Variants in RAI14 observed in about 807,000 individuals in gnomAD.
RAI14 encodes the protein ankycorbin.
RAI14 carries 45 observed loss-of-function variants against 115.4 expected under a neutral mutation model. That is an observed-to-expected ratio of 0.39 (90% CI 0.31 to 0.50). The LOEUF (loss-of-function observed/expected upper bound fraction) is 0.50. Among genes scored for constraint, RAI14 ranks in the 20% least tolerant of loss-of-function variants. The pLI, the probability that RAI14 is intolerant of heterozygous loss-of-function variation, is 0.85. For missense variants in RAI14, 939 were observed against 1,131.2 expected (o/e 0.83, Z 2.44); for synonymous variants, 371 against 415.4 (o/e 0.89, Z 1.30).
rs79705179 is a variant in RAI14, at chr5:34,741,300, T to C, written c.37-16168T>C. ...TTTTACAATGGAGAAAACAGAGGCATGCGAGGTTAAGTAACTTCTCCAGGG... is the reference window on the plus strand; with the variant it reads ...TTTTACAATGGAGAAAACAGAGGCACGCGAGGTTAAGTAACTTCTCCAGGG... On this transcript the variant is annotated intron_variant, in intron 2 of 17. Transcript: ENST00000265109. Among the ~76,000 whole-genome samples the C allele has an allele frequency of 8.5e-5, 13 of 152,350 alleles. No homozygotes were observed. In the East Asian group the frequency reaches 2.3e-3, roughly 27 times the overall value.
intron 2 of RAI14, among the ~76,000 whole-genome samples, chr5:34,696,185 C>G (rs1373739171): frequency 6.6e-6 from 1 of 152,078 alleles, no homozygotes. Context: ...GTCACCCAGG[C>G]TGGAGTGCAG....
chr5:34,672,175 T>G (rs1743662535), intron 1 of RAI14, among the ~76,000 whole-genome samples: 1 of 152,184 alleles, frequency 6.6e-6, no homozygotes, highest in African/African-American at 2.4e-5. Flanking sequence ...AAAAAAAAAC[T>G]GAATGATTTT....
At chr5:34,670,067 C>T (rs1039341752) in intron 1 of RAI14, among the ~76,000 whole-genome samples, 7 of 152,140 alleles carry the variant, frequency 4.6e-5, no homozygotes, top group African/African-American at 7.2e-5. Context: ...GGCAGGGGTG[C>T]GTGAGGACAC....
intron 3 of RAI14, among the ~76,000 whole-genome samples, chr5:34,769,738 T>A (rs1749901464): frequency 6.6e-6 from 1 of 152,166 alleles, no homozygotes; most frequent in South Asian, 2.1e-4. Context: ...AGTTTGTATA[T>A]ATTTTTTAAG....
rs1037431406 is a variant in RAI14 at position 34,743,877 on chromosome 5, A to T, written c.37-13591A>T. ...TAACTTGAAGGACTGTTTCCATGGC[A>T]TGTGAATTTCTTTAGCTATCTCTTT... is the stretch of plus-strand genomic sequence containing the variant. On this transcript the variant is annotated intron_variant, in intron 2 of 17. Coordinates refer to ENST00000265109, the MANE Select transcript of RAI14 (RefSeq NM_015577.3). 1.5e-4 allele frequency among the ~76,000 whole-genome samples: 23 copies of T among 152,228 alleles called. 1 individual carries two copies. The highest frequency in any genetic ancestry group is 1.4e-3 in the Admixed American group (22 of 15,284).
At chr5:34,829,587 C>T (rs1757816569) in intron 16 of RAI14, 145 bp from the exon 17 acceptor site, 1 of 578,860 alleles carries the variant, frequency 1.7e-6, no homozygotes. Flanking sequence ...AGTAAGGCCA[C>T]AACAATTTTA....
intron 16 of RAI14, among the ~76,000 whole-genome samples, chr5:34,828,590 G>T (rs1757690572): frequency 1.3e-5 from 2 of 152,098 alleles, no homozygotes; most frequent in Admixed American, 1.3e-4. Flanking sequence ...GACACTGATG[G>T]GGGGAAGGAA....
chr5:34,738,376 A>G (rs1237314339), intron 2 of RAI14, among the ~76,000 whole-genome samples: 3 of 152,252 alleles, frequency 2.0e-5, no homozygotes, highest in Non-Finnish European at 2.9e-5. Context: ...CTAATTCAGA[A>G]TTCTGTCACC....
chr5:34,711,737 C>T (rs528423313), intron 2 of RAI14, among the ~76,000 whole-genome samples: 9 of 152,324 alleles, frequency 5.9e-5, no homozygotes, highest in South Asian at 2.1e-4. Flanking sequence ...CCGACTCTGA[C>T]GTGATCTTGG....
At chr5:34,822,746 C>T (rs993289412) in intron 14 of RAI14, among the ~76,000 whole-genome samples, 2 of 131,774 alleles carry the variant, frequency 1.5e-5, no homozygotes, top group African/African-American at 2.8e-5. Context: ...TGCAGTGGCG[C>T]GATCTCGGCT....
intron 2 of RAI14, chr5:34,687,853 T>C: frequency 8.4e-7 from 1 of 1,196,948 alleles, no homozygotes; most frequent in South Asian, 1.4e-5. Flanking sequence ...TTGCAATAAA[T>C]GGAGGCTGTG....
intron 1 of RAI14, among the ~76,000 whole-genome samples, chr5:34,671,022 G>T (rs1353883474): frequency 6.6e-6 from 1 of 151,528 alleles, no homozygotes; most frequent in African/African-American, 2.4e-5. Flanking sequence ...TTGTTTTTTT[G>T]GTTTTCAGCC....
intron 1 of RAI14, among the ~76,000 whole-genome samples, chr5:34,660,679 T>G (rs913196709): frequency 1.3e-5 from 2 of 152,150 alleles, no homozygotes; most frequent in African/African-American, 4.8e-5. Flanking sequence ...GCTGTGTTAG[T>G]GACGCATTTT....
chr5:34,753,242 C>A (rs1396767696), intron 2 of RAI14, among the ~76,000 whole-genome samples: 1 of 152,044 alleles, frequency 6.6e-6, no homozygotes, highest in Non-Finnish European at 1.5e-5. Context: ...TTCTTTGATT[C>A]TAGAGTATGA....
At chr5:34,803,805 A>C in intron 5 of RAI14, 29 bp downstream of exon 5, 1 of 1,583,978 alleles carries the variant, frequency 6.3e-7, no homozygotes, top group Non-Finnish European at 8.6e-7. Context: ...AGAATTATAA[A>C]TGTGTCGGTT....
chr5:34,750,678 C>T (rs948270656), intron 2 of RAI14, among the ~76,000 whole-genome samples: 1 of 151,866 alleles, frequency 6.6e-6, no homozygotes, highest in Admixed American at 6.6e-5. Flanking sequence ...AAACCATGTA[C>T]GTTCTAACAA....
At chr5:34,704,642 T>A (rs17520495) in intron 2 of RAI14, among the ~76,000 whole-genome samples, 27,479 of 152,194 alleles carry the variant, frequency 0.18, 2,656 homozygotes, top group Non-Finnish European at 0.22. Context: ...CCAGATACTC[T>A]CTAATTCTGT....
chr5:34,777,558 T>C (rs899497000), intron 3 of RAI14, among the ~76,000 whole-genome samples: 1 of 152,054 alleles, frequency 6.6e-6, no homozygotes, highest in Non-Finnish European at 1.5e-5. Context: ...GGCAGGTGGA[T>C]CTTCTGAGGT....
At chr5:34,808,335 A>C (rs540246329) in intron 6 of RAI14, among the ~76,000 whole-genome samples, 6 of 152,256 alleles carry the variant, frequency 3.9e-5, no homozygotes, top group Non-Finnish European at 7.3e-5. Context: ...GTCCTGTGAA[A>C]ACCTGAGCCA....
Sources: gnomAD v4.1 joint callset for allele counts (sites outside exome capture counted in the v4.1 genomes callset) on GRCh38, gnomAD v4.1.1 for gene constraint, MANE v1.5 for transcripts, NCBI Gene and HGNC (gene_info 2026-07-23, HGNC 2026-07-21) for gene names.